Variants in KBTBD12 observed in about 807,000 individuals in gnomAD.
KBTBD12 encodes kelch repeat and BTB domain-containing protein 12.
Under a neutral mutation model 58.7 loss-of-function variants are expected in KBTBD12, and 53 were observed. The ratio of observed to expected loss-of-function variants is 0.90; its 90% CI spans 0.72 to 1.14. KBTBD12 has a LOEUF of 1.14. Among genes scored for constraint, KBTBD12 ranks in the 50% most tolerant of loss-of-function variants. The pLI is 0.00. For synonymous variants in KBTBD12, 236 were observed against 259.8 expected (o/e 0.91, Z 0.88); for missense variants, 704 against 751.3 (o/e 0.94, Z 0.74).
intron 1 of KBTBD12, among the ~76,000 whole-genome samples, chr3:127,922,723 C>T (rs1227156063): frequency 1.3e-5 from 2 of 152,010 alleles, no homozygotes; most frequent in African/African-American, 4.8e-5. Context: ...CTTTGCAGTC[C>T]TAGAAAAATC....
intron 4 of KBTBD12, among the ~76,000 whole-genome samples, 162 bp from the exon 5 acceptor site, chr3:127,963,027 G>A (rs1418231059): frequency 6.6e-6 from 1 of 152,218 alleles, no homozygotes; most frequent in African/African-American, 2.4e-5. Flanking sequence ...GTACACAGTA[G>A]ACATCACTAT....
chr3:127,958,354 C>A lies in KBTBD12; in HGVS notation c.1493-4835C>A, dbSNP rs117476845. The stretch of plus-strand genomic sequence containing the variant: ...TAAGCTCACTCCCACCCACCACGTC[C>A]AGGCTCTCCACTCTGTGCTCTCCCC... On this transcript the variant is annotated intron_variant, in intron 4 of 5. Coordinates refer to ENST00000405109, the MANE Select transcript of KBTBD12 (RefSeq NM_207335.4). Among the ~76,000 whole-genome samples, 998 of 152,278 alleles carry A rather than the reference C, an allele frequency of 6.6e-3. 5 individuals carry two copies. Among genetic ancestry groups the A allele is most frequent in the South Asian group, 0.016 (79 of 4,824 alleles).
Position 127,942,702 on chromosome 3 carries a change from C to CTATA in KBTBD12, c.1492+12434_1492+12437dup, listed in dbSNP as rs58969843. On this transcript the variant is annotated intron_variant, in intron 4 of 5. Coordinates refer to ENST00000405109, the MANE Select transcript of KBTBD12 (RefSeq NM_207335.4). ...CAACTATATATAACTATATATATAA[C>CTATA]TATATATATATATATATAACTATAG... Among the ~76,000 whole-genome samples the CTATA allele has an allele frequency of 4.0e-3, 566 of 142,474 alleles. 1 individual carries two copies. The highest frequency in any genetic ancestry group is 0.019 in the Middle Eastern group (5 of 270). The allele number at this position is 142,474 out of a possible 152,430, so 93.5% of individuals were successfully genotyped here.
chr3:127,922,454 T>C (rs1311153503), intron 1 of KBTBD12, among the ~76,000 whole-genome samples: 1 of 152,176 alleles, frequency 6.6e-6, no homozygotes, highest in African/African-American at 2.4e-5. Context: ...GTGGACCTTT[T>C]TTCAGTTTTT....
intron 4 of KBTBD12, among the ~76,000 whole-genome samples, chr3:127,945,665 CT>C (rs1940065693): frequency 7.0e-6 from 1 of 143,154 alleles, no homozygotes; most frequent in Non-Finnish European, 1.5e-5. Flanking sequence ...CTGAACTGGT[CT>C]TCTTATTTTC....
chr3:127,956,528 A>G (rs1335196518), intron 4 of KBTBD12, among the ~76,000 whole-genome samples: 1 of 152,150 alleles, frequency 6.6e-6, no homozygotes. Context: ...GTGGGTATCC[A>G]AAATATACTT....
intron 4 of KBTBD12, among the ~76,000 whole-genome samples, chr3:127,930,679 G>A (rs1418133349): frequency 6.6e-6 from 1 of 152,150 alleles, no homozygotes; most frequent in East Asian, 1.9e-4. Context: ...GTAAGACTGT[G>A]CCACAGATTG....
At chr3:127,960,846 T>G (rs9870705) in intron 4 of KBTBD12, among the ~76,000 whole-genome samples, 8,663 of 152,286 alleles carry the variant, frequency 0.057, 288 homozygotes, top group Middle Eastern at 0.11. Context: ...GGGCTGAACA[T>G]TATAATTAAA....
At chr3:127,978,892 A>G (rs1463195622) in intron 5 of KBTBD12, among the ~76,000 whole-genome samples, 2 of 152,248 alleles carry the variant, frequency 1.3e-5, no homozygotes, top group African/African-American at 4.8e-5. Context: ...ATGTTGCTGG[A>G]ATCAGGAAAA....
intron 1 of KBTBD12, among the ~76,000 whole-genome samples, chr3:127,919,735 C>G (rs1939351667): frequency 6.6e-6 from 1 of 151,922 alleles, no homozygotes; most frequent in Non-Finnish European, 1.5e-5. Context: ...CTACCTACAC[C>G]CTGACACATT....
chr3:127,950,512 A>G (rs371968990), intron 4 of KBTBD12, among the ~76,000 whole-genome samples: 3 of 152,188 alleles, frequency 2.0e-5, no homozygotes, highest in Admixed American at 6.5e-5. Context: ...CATTGAAGAG[A>G]TACTGAATTT....
At chr3:127,929,294 A>G (rs1160306411) in intron 3 of KBTBD12, among the ~76,000 whole-genome samples, 2 of 152,182 alleles carry the variant, frequency 1.3e-5, no homozygotes, top group African/African-American at 4.8e-5. Flanking sequence ...TGGTGAGCAT[A>G]ACTCTTGGTA....
intron 4 of KBTBD12, among the ~76,000 whole-genome samples, chr3:127,959,932 G>T (rs577343111): frequency 6.6e-6 from 1 of 152,226 alleles, no homozygotes; most frequent in South Asian, 2.1e-4. Context: ...TCCAAGGCAC[G>T]TGGGTGCCGA....
chr3:127,943,536 G>A (rs980702694), intron 4 of KBTBD12, among the ~76,000 whole-genome samples: 1 of 151,724 alleles, frequency 6.6e-6, no homozygotes, highest in South Asian at 2.1e-4. Flanking sequence ...TTTTTAATTA[G>A]GTTATTTGGG....
chr3:127,971,332 T>A (rs1490073120), intron 5 of KBTBD12, among the ~76,000 whole-genome samples: 1 of 152,128 alleles, frequency 6.6e-6, no homozygotes, highest in Admixed American at 6.5e-5. Context: ...ATAATCATAA[T>A]GAACTGAATA....
intron 5 of KBTBD12, among the ~76,000 whole-genome samples, chr3:127,975,097 G>T (rs1005786478): frequency 4.6e-5 from 7 of 152,224 alleles, no homozygotes; most frequent in African/African-American, 1.7e-4. Context: ...ACTAAGAGGG[G>T]AGAAGAGAGT....
Position 127,927,952 on chromosome 3 carries a change from C to T in KBTBD12, c.1259C>T (p.Ser420Phe). The T allele has an allele frequency of 6.2e-7, 1 of 1,612,780 alleles. No homozygotes were observed. Among genetic ancestry groups the T allele is most frequent in the Non-Finnish European group, 8.5e-7 (1 of 1,178,974 alleles). The change falls in exon 3 of 6, where the codon TCT becomes TTT. Residue 420 changes from serine (S) to phenylalanine (F), a missense_variant. Transcript: ENST00000405109. ...SVERDNWKRVSPLPLQLACHA... is the reference protein window; with the variant it reads ...SVERDNWKRVFPLPLQLACHA... ...GAACGGGACAATTGGAAAAGGGTGT[C>T]TCCCCTTCCACTGCAATTGGCATGT... is the stretch of plus-strand genomic sequence containing the variant.
chr3:127,927,759 T>G lies in KBTBD12; in HGVS notation c.1071-5T>G, dbSNP rs1939609879. On this transcript the variant is annotated splice_polypyrimidine_tract_variant and splice_region_variant and intron_variant, in intron 2 of 5. Transcript: ENST00000405109. ...AATCCTGGATACTCTCTCTCTCTTT[T>G]GCAGGTATCATGATAGAGGAAACCA... The G allele has an allele frequency of 2.7e-6, 4 of 1,496,704 alleles. No homozygotes were observed. Among genetic ancestry groups the G allele is most frequent in the Non-Finnish European group, 3.6e-6 (4 of 1,120,402 alleles). The allele number at this position is 1,496,704 out of a possible 1,614,324, so 92.7% of individuals were successfully genotyped here. A position where few individuals can be genotyped will look rare whatever the true frequency, so the allele number is the denominator to read the frequency against.
At chr3:127,924,703 A>C (rs182182557) in intron 2 of KBTBD12, among the ~76,000 whole-genome samples, 3 of 152,142 alleles carry the variant, frequency 2.0e-5, no homozygotes, top group South Asian at 2.1e-4. Context: ...GTCAGTTTTC[A>C]TTCTATGTCC....
Sources: allele counts gnomAD v4.1 joint callset (sites outside exome capture counted in the v4.1 genomes callset), GRCh38; gene constraint gnomAD v4.1.1; transcripts MANE v1.5; gene names NCBI Gene and HGNC (gene_info 2026-07-23, HGNC 2026-07-21).